Variants in PRH1 observed in about 807,000 individuals in gnomAD.
PRH1 encodes the protein salivary acidic proline-rich phosphoprotein 1/2.
A neutral mutation model predicts 7.9 loss-of-function variants in PRH1; 7 were observed. The ratio of observed to expected loss-of-function variants is 0.89; its 90% confidence interval spans 0.50 to 1.67. PRH1 has a LOEUF of 1.67. Among genes scored for constraint, PRH1 ranks in the 40% most tolerant of loss-of-function variants. The probability of loss-of-function intolerance (pLI) is 0.00; values close to 1 mark genes in which losing one functional copy is unlikely to be tolerated. For synonymous variants in PRH1, 45 were observed against 80.8 expected (o/e 0.56, Z 2.38); for missense variants, 109 against 223.6 (o/e 0.49, Z 3.27).
chr12:11,087,017 C>A (rs1472565345), intron 1 of PRH1, among the ~76,000 whole-genome samples: 1 of 83,312 alleles, frequency 1.2e-5, no homozygotes, highest in East Asian at 3.0e-4. Flanking sequence ...AAGTTTACCT[C>A]TTATAGGCAG....
At chr12:10,989,353 G>A (rs1939810414) in intron 1 of PRH1, among the ~76,000 whole-genome samples, 1 of 151,690 alleles carries the variant, frequency 6.6e-6, no homozygotes, top group African/African-American at 2.4e-5. Flanking sequence ...TTCATCTTTA[G>A]TTGATACATA....
intron 1 of PRH1, chr12:11,022,281 C>A: frequency 6.2e-7 from 1 of 1,614,154 alleles, no homozygotes; most frequent in Non-Finnish European, 8.5e-7. Context: ...TAGCAGCAAG[C>A]CACATGCTGA....
intron 1 of PRH1, among the ~76,000 whole-genome samples, chr12:11,151,543 A>G (rs928925507): frequency 1.3e-5 from 2 of 152,158 alleles, no homozygotes; most frequent in Non-Finnish European, 2.9e-5. Context: ...ACAGCCAGCT[A>G]AATATGTCTT....
chr12:11,133,624 C>A (rs754773866), intron 1 of PRH1: 1 of 1,614,274 alleles, frequency 6.2e-7, no homozygotes, highest in Non-Finnish European at 8.5e-7. Context: ...GCTGCATCTT[C>A]TTGAGATGTT....
chr12:11,049,086 C>G (rs1943029215), upstream of PRH1: 1 of 359,250 alleles, frequency 2.8e-6, no homozygotes, highest in Non-Finnish European at 5.4e-6. Flanking sequence ...CCAGAGTAAA[C>G]CAACTCTGGA....
At chr12:11,003,131 T>C (rs1472280046) in intron 1 of PRH1, among the ~76,000 whole-genome samples, 1 of 152,026 alleles carries the variant, frequency 6.6e-6, no homozygotes, top group Non-Finnish European at 1.5e-5. Flanking sequence ...TATCTTTCTT[T>C]TTTAAATTAA....
chr12:11,071,105 T>C (rs1414411719), intron 1 of PRH1, among the ~76,000 whole-genome samples: 1 of 15,796 alleles, frequency 6.3e-5, no homozygotes, highest in Non-Finnish European at 4.8e-4. Flanking sequence ...CAGGGCACAT[T>C]TTTCTAACTA....
upstream of PRH1, among the ~76,000 whole-genome samples, chr12:11,049,456 A>G (rs568794291): frequency 1.9e-4 from 11 of 58,578 alleles, no homozygotes; most frequent in African/African-American, 4.4e-4. Context: ...CTTTATAGAA[A>G]TAGAAAATAT....
At chr12:11,091,590 T>C (rs756101526) in intron 1 of PRH1, 2 of 1,340,194 alleles carry the variant, frequency 1.5e-6, no homozygotes, top group East Asian at 2.3e-5. Context: ...TGAGATCCTT[T>C]ACCATGGAGC....
At chr12:11,022,815 C>G (rs4763235) in intron 1 of PRH1, among the ~76,000 whole-genome samples, 44,021 of 152,020 alleles carry the variant, frequency 0.29, 8,245 homozygotes, top group East Asian at 0.74. Flanking sequence ...TCTTCATATA[C>G]ATTCTCTCCT....
intron 1 of PRH1, among the ~76,000 whole-genome samples, chr12:11,153,308 TC>T: frequency 6.6e-6 from 1 of 152,194 alleles, no homozygotes; most frequent in South Asian, 2.1e-4. Context: ...TTCAAAAAAG[TC>T]CTTATCTCCT....
intron 1 of PRH1, among the ~76,000 whole-genome samples, chr12:10,990,419 C>T (rs1394343205): frequency 2.6e-5 from 4 of 152,166 alleles, no homozygotes; most frequent in Admixed American, 6.5e-5. Flanking sequence ...AGTACGAAGT[C>T]CCTGAGGCAA....
intron 1 of PRH1, among the ~76,000 whole-genome samples, chr12:11,140,586 CAT>C (rs560130335): frequency 3.7e-4 from 57 of 152,220 alleles, no homozygotes; most frequent in Admixed American, 2.0e-3. Context: ...TTATGGAAAA[CAT>C]GATAATTTCC....
At chr12:11,009,433 C>T (rs1194052498) in intron 1 of PRH1, among the ~76,000 whole-genome samples, 1 of 151,866 alleles carries the variant, frequency 6.6e-6, no homozygotes, top group East Asian at 1.9e-4. Context: ...GAAATATATA[C>T]ATTTCATCAT....
At chr12:10,885,362 T>C (rs1420859657), upstream of PRH1, among the ~76,000 whole-genome samples, 1 of 152,204 alleles carries the variant, frequency 6.6e-6, no homozygotes, top group Non-Finnish European at 1.5e-5. Flanking sequence ...GTATTCTGAG[T>C]CTACCTTGCC....
In PRH1 at chr12:10,954,128, A is replaced by G. The variant is rs542681197; in HGVS notation, c.-59+19527T>C. On this transcript the variant is annotated intron_variant, in intron 2 of 3. Transcript: ENST00000539853. ...CTGAATGGATTGCTAATCATAGAAA[A>G]GAAAGATCATTATCAGCCATAACAA... Among the ~76,000 whole-genome samples the G allele has an allele frequency of 2.0e-5, 3 of 152,350 alleles. No individual in the cohort carries two copies. In the East Asian group the frequency reaches 5.8e-4, roughly 29 times the overall value.
In PRH1 at chr12:11,092,317, C is replaced by CA. The variant is rs1301270575; in HGVS notation, n.124-45130dup. 4 of 767,370 alleles carry CA rather than the reference C, an allele frequency of 5.2e-6. 1 individual carries two copies. In the African/African-American group the frequency reaches 7.5e-5, roughly 14 times the overall value. The allele number at this position is 767,370 out of a possible 1,614,324, so 47.5% of individuals were successfully genotyped here. On this transcript the variant is annotated intron_variant and non_coding_transcript_variant, in intron 1 of 4. Coordinates refer to the PRH1 transcript ENST00000541977. ...GGTGGGTTCGTGGTCTCGCTGACTT[C>CA]AAAAGGGAGCCACTGACCTTCACGG...
chr12:10,883,150 C>T, intron 1 of PRH1, 54 bp from the exon 2 acceptor site: 1 of 1,579,414 alleles, frequency 6.3e-7, no homozygotes, highest in East Asian at 2.2e-5. Context: ...TCATTCAAGG[C>T]TCATAGTGTT....
chr12:11,093,415 T>G (rs1944990922), intron 1 of PRH1, among the ~76,000 whole-genome samples: 1 of 115,590 alleles, frequency 8.7e-6, no homozygotes, highest in Admixed American at 8.8e-5. Context: ...ACACCACTTA[T>G]GAATGGAACA....
Sources: gnomAD v4.1 joint callset for allele counts (sites outside exome capture counted in the v4.1 genomes callset) on GRCh38, gnomAD v4.1.1 for gene constraint, MANE v1.5 for transcripts, NCBI Gene and HGNC (gene_info 2026-07-23, HGNC 2026-07-21) for gene names.